The following CPQ variants were observed in gnomAD, a reference collection of about 807,000 sequenced individuals.
CPQ encodes the protein carboxypeptidase Q, also known as Ser-Met dipeptidase.
Under a neutral mutation model 45.7 loss-of-function variants are expected in CPQ, and 37 were observed. The observed-to-expected ratio is 0.81, with a 90% CI of 0.62 to 1.07. CPQ has a LOEUF of 1.07. Among genes scored for constraint, CPQ ranks in the 50% least tolerant of loss-of-function variants. The pLI is 0.00. For missense variants in CPQ, 537 were observed against 572.9 expected, an observed-to-expected ratio of 0.94 and a Z score of 0.64; for synonymous variants, 186 against 205.8, an observed-to-expected ratio of 0.90 and a Z score of 0.82.
intron 1 of CPQ, among the ~76,000 whole-genome samples, chr8:96,741,730 G>C (rs1008978606): frequency 6.6e-6 from 1 of 151,804 alleles, no homozygotes. Flanking sequence ...ATTTCGTTAT[G>C]TACCCAGTAG....
chr8:96,894,980 A>G (rs548533770), intron 4 of CPQ, among the ~76,000 whole-genome samples: 164 of 152,006 alleles, frequency 1.1e-3, no homozygotes, highest in Non-Finnish European at 2.0e-3. Context: ...ACAAAAGAGA[A>G]TTGGCCAAAT....
intron 6 of CPQ, among the ~76,000 whole-genome samples, chr8:97,064,402 TA>T (rs1586522636): frequency 6.6e-6 from 1 of 152,170 alleles, no homozygotes; most frequent in South Asian, 2.1e-4. Context: ...TTAATGCAAA[TA>T]TTTTGCATAT....
intron 7 of CPQ, among the ~76,000 whole-genome samples, chr8:97,092,153 T>C (rs779337303): frequency 2.1e-4 from 32 of 152,272 alleles, no homozygotes; most frequent in Admixed American, 3.9e-4. Context: ...GCTTCATAGC[T>C]AAGGGGAAAA....
At chr8:97,125,384 A>C (rs1811830564) in intron 7 of CPQ, among the ~76,000 whole-genome samples, 1 of 152,178 alleles carries the variant, frequency 6.6e-6, no homozygotes, top group African/African-American at 2.4e-5. Context: ...TTCCCAACTC[A>C]TTTTATAAGG....
chr8:96,649,425 T>A (rs1003509032), intron 1 of CPQ, among the ~76,000 whole-genome samples: 16 of 152,310 alleles, frequency 1.1e-4, no homozygotes, highest in Admixed American at 7.2e-4. Flanking sequence ...TTGCCATAGG[T>A]CTAATGAAAT....
At chr8:96,991,845 G>T (rs1809098276) in intron 5 of CPQ, among the ~76,000 whole-genome samples, 1 of 152,078 alleles carries the variant, frequency 6.6e-6, no homozygotes, top group Admixed American at 6.6e-5. Context: ...CCTAGAGTTT[G>T]GTGGATTTTG....
intron 1 of CPQ, among the ~76,000 whole-genome samples, chr8:96,685,309 C>T (rs1481855827): frequency 6.6e-6 from 1 of 151,932 alleles, no homozygotes; most frequent in Admixed American, 6.6e-5. Flanking sequence ...ATCTTTATTG[C>T]TCTGAGATCT....
chr8:96,887,854 C>T (rs563946513), intron 4 of CPQ, among the ~76,000 whole-genome samples: 3 of 151,984 alleles, frequency 2.0e-5, no homozygotes, highest in South Asian at 4.2e-4. Flanking sequence ...TTTTAACATG[C>T]CTTTTTCTTA....
rs1334762073 is a variant in CPQ, at chr8:96,708,435, GTGTA to G, written c.-35+63035_-35+63038del. Among the ~76,000 whole-genome samples the G allele has an allele frequency of 2.1e-3, 128 of 59,912 alleles. 1 individual carries two copies. Among genetic ancestry groups the G allele is most frequent in the South Asian group, 0.011 (13 of 1,134 alleles). 39.3% of individuals were successfully genotyped at this position (59,912 alleles called of 152,430 possible). On this transcript the variant is annotated intron_variant, in intron 1 of 7. Coordinates refer to ENST00000220763, the MANE Select transcript of CPQ (RefSeq NM_016134.4). ...GTAAGCCATATGTGTGTGTGTGTGT[GTGTA>G]TATATATATATATATATATACATTG...
intron 7 of CPQ, among the ~76,000 whole-genome samples, chr8:97,077,164 T>A (rs975740950): frequency 6.6e-6 from 1 of 152,138 alleles, no homozygotes; most frequent in Non-Finnish European, 1.5e-5. Context: ...CAATTCAACT[T>A]TTTCTTGTAA....
chr8:96,709,070 G>A (rs1809572489), intron 1 of CPQ, among the ~76,000 whole-genome samples: 1 of 151,926 alleles, frequency 6.6e-6, no homozygotes, highest in South Asian at 2.1e-4. Flanking sequence ...TGTTCTTTAT[G>A]TATGTTCATT....
intron 5 of CPQ, among the ~76,000 whole-genome samples, chr8:96,971,057 C>A (rs549613271): frequency 3.7e-4 from 56 of 152,248 alleles, no homozygotes; most frequent in Non-Finnish European, 1.3e-4. Context: ...GTATTCACTC[C>A]GTGGGTATAG....
At chr8:96,854,350 T>C (rs1047306146) in intron 3 of CPQ, among the ~76,000 whole-genome samples, 4 of 149,834 alleles carry the variant, frequency 2.7e-5, no homozygotes, top group African/African-American at 7.4e-5. Flanking sequence ...GCTAAAACGG[T>C]GAAACCCCGT....
chr8:96,911,267 A>G (rs1812659005), intron 4 of CPQ, among the ~76,000 whole-genome samples: 1 of 152,190 alleles, frequency 6.6e-6, no homozygotes, highest in Admixed American at 6.5e-5. Flanking sequence ...AATGCAAATG[A>G]CTTATTTGCT....
chr8:96,696,573 A>G (rs1479481227), intron 1 of CPQ, among the ~76,000 whole-genome samples: 1 of 152,116 alleles, frequency 6.6e-6, no homozygotes, highest in African/African-American at 2.4e-5. Context: ...CAAAAGATCA[A>G]TGAAGTGAAA....
intron 7 of CPQ, among the ~76,000 whole-genome samples, chr8:97,124,126 T>G (rs1437313793): frequency 6.9e-6 from 1 of 144,484 alleles, no homozygotes; most frequent in Non-Finnish European, 1.5e-5. Flanking sequence ...CTCTGGAGGC[T>G]GAGGCAGGAG....
intron 3 of CPQ, among the ~76,000 whole-genome samples, chr8:96,842,640 A>G (rs1811627895): frequency 6.6e-6 from 1 of 152,144 alleles, no homozygotes; most frequent in South Asian, 2.1e-4. Context: ...TTGTTTGGAA[A>G]GCCTTTGTTA....
At position 96,893,875 on chromosome 8, in the gene CPQ, TTC is replaced by T. The variant is rs562023446; in HGVS notation, c.849+13872_849+13873del. On this transcript the variant is annotated intron_variant, in intron 4 of 7. Transcript: ENST00000220763. ...ATATGTCCACATTTTTTTTTAAAATTTCTGTTTAAAAGGTGGAGCCGAATTCT... is the reference window on the plus strand; with the variant it reads ...ATATGTCCACATTTTTTTTTAAAATTTGTTTAAAAGGTGGAGCCGAATTCT... Among the ~76,000 whole-genome samples, 34 of 152,294 alleles carry T rather than the reference TTC, an allele frequency of 2.2e-4. No individual in the cohort carries two copies. The East Asian group carries it at 6.2e-3, about 28-fold the overall frequency.
chr8:97,136,453 C>T (rs758161996), intron 7 of CPQ, among the ~76,000 whole-genome samples: 2 of 152,184 alleles, frequency 1.3e-5, no homozygotes, highest in Non-Finnish European at 2.9e-5. Context: ...TCCTCACAAG[C>T]ATCTTGGAAG....
Sources: allele counts gnomAD v4.1 joint callset (sites outside exome capture counted in the v4.1 genomes callset), GRCh38; gene constraint gnomAD v4.1.1; transcripts MANE v1.5; gene names NCBI Gene and HGNC (gene_info 2026-07-23, HGNC 2026-07-21).